EYS: variants seen among roughly 807,000 people sequenced by gnomAD.
The protein encoded by EYS is protein eyes shut homolog.
EYS carries 250 observed loss-of-function variants against 282.1 expected under a neutral mutation model. That is an observed-to-expected ratio of 0.89 (90% CI 0.80 to 0.98). The LOEUF (loss-of-function observed/expected upper bound fraction) is 0.98. Among genes scored for constraint, EYS ranks in the 50% least tolerant of loss-of-function variants. The probability of loss-of-function intolerance (pLI) is 0.00; values close to 1 mark genes in which losing one functional copy is unlikely to be tolerated. For missense variants in EYS, 4,016 were observed against 3,709.0 expected (o/e 1.08, Z -2.15); for synonymous variants, 1,355 against 1,282.9 (o/e 1.06, Z -1.20).
At chr6:65,338,260 T>A (rs895724813) in intron 10 of EYS, among the ~76,000 whole-genome samples, 1 of 151,330 alleles carries the variant, frequency 6.6e-6, no homozygotes, top group East Asian at 1.9e-4. Context: ...TCTACTAGAA[T>A]TTTGGTTTTC....
intron 12 of EYS, among the ~76,000 whole-genome samples, chr6:65,075,589 T>C (rs1774024632): frequency 6.6e-6 from 1 of 152,128 alleles, no homozygotes; most frequent in Admixed American, 6.6e-5. Flanking sequence ...TACAATTCCA[T>C]GTTACAGTGA....
At chr6:64,005,157 C>T (rs1418129812) in intron 33 of EYS, among the ~76,000 whole-genome samples, 1 of 152,156 alleles carries the variant, frequency 6.6e-6, no homozygotes, top group Non-Finnish European at 1.5e-5. Flanking sequence ...AATAGCCATT[C>T]TGACTAGTGT....
chr6:65,614,031 C>T (rs1238700060), intron 2 of EYS, among the ~76,000 whole-genome samples: 1 of 151,896 alleles, frequency 6.6e-6, no homozygotes, highest in African/African-American at 2.4e-5. Context: ...ATGATTAGTA[C>T]AAAATTTAAT....
At chr6:64,915,127 T>A (rs1369478383) in intron 15 of EYS, among the ~76,000 whole-genome samples, 1 of 152,034 alleles carries the variant, frequency 6.6e-6, no homozygotes, top group Admixed American at 6.6e-5. Context: ...AAAATCTTTA[T>A]CTCCTATATC....
At chr6:63,787,865 G>T (rs188306817) in intron 39 of EYS, among the ~76,000 whole-genome samples, 1 of 152,136 alleles carries the variant, frequency 6.6e-6, no homozygotes, top group Non-Finnish European at 1.5e-5. Flanking sequence ...CTTGAACCCA[G>T]GAGGCAGAGG....
intron 24 of EYS, among the ~76,000 whole-genome samples, chr6:64,610,976 T>A (rs1767096335): frequency 6.6e-6 from 1 of 152,000 alleles, no homozygotes; most frequent in African/African-American, 2.4e-5. Context: ...CTCCATCTTT[T>A]TCCCCCCCAT....
intron 30 of EYS, among the ~76,000 whole-genome samples, chr6:64,292,961 G>C (rs1424521984): frequency 6.6e-6 from 1 of 152,060 alleles, no homozygotes; most frequent in Non-Finnish European, 1.5e-5. Flanking sequence ...TCAATGTATG[G>C]TTCCAGTGTC....
Position 64,151,362 on chromosome 6 carries a change from T to TATAA in EYS, c.6425-69361_6425-69360insTTAT, listed in dbSNP as rs1491484712. On this transcript the variant is annotated intron_variant, in intron 31 of 42. Transcript: ENST00000503581. ...ATATATATATATATATATATATATA[T>TATAA]AATTTTTTTTTTCTTTTGAGATGGA... 1.0e-4 allele frequency among the ~76,000 whole-genome samples: 11 copies of TATAA among 108,816 alleles called. No homozygotes were observed. In the East Asian group the frequency reaches 2.5e-3, roughly 25 times the overall value. 71.4% of individuals were successfully genotyped at this position (108,816 alleles called of 152,430 possible). A position where few individuals can be genotyped will look rare whatever the true frequency, so the allele number is the denominator to read the frequency against.
intron 33 of EYS, among the ~76,000 whole-genome samples, chr6:64,065,623 T>G (rs968009692): frequency 6.6e-6 from 1 of 152,206 alleles, no homozygotes. Flanking sequence ...TTTTCTTTTT[T>G]TGTGCAGTCA....
intron 28 of EYS, among the ~76,000 whole-genome samples, chr6:64,430,762 C>A (rs1351657352): frequency 2.0e-5 from 3 of 152,154 alleles, no homozygotes; most frequent in Non-Finnish European, 4.4e-5. Flanking sequence ...CTCTAGCCAA[C>A]AGAATGCAGA....
At chr6:65,685,934 C>A (rs1768997916) in intron 1 of EYS, among the ~76,000 whole-genome samples, 1 of 151,926 alleles carries the variant, frequency 6.6e-6, no homozygotes. Context: ...GTACAGAAGA[C>A]CATATGGTGT....
intron 30 of EYS, among the ~76,000 whole-genome samples, chr6:64,249,971 G>C (rs1056962230): frequency 6.6e-6 from 1 of 152,116 alleles, no homozygotes; most frequent in Non-Finnish European, 1.5e-5. Flanking sequence ...CTGGAAGTGA[G>C]GCAGAAAATA....
chr6:65,130,987 ATGAAAGACAAATT>A lies in EYS; in HGVS notation c.2024-73273_2024-73261del, dbSNP rs1775859146. Among the ~76,000 whole-genome samples, 8 of 151,722 alleles carry A rather than the reference ATGAAAGACAAATT, an allele frequency of 5.3e-5. No homozygotes were observed. In the South Asian group the frequency reaches 1.7e-3, roughly 31 times the overall value. On this transcript the variant is annotated intron_variant, in intron 12 of 42. Coordinates refer to ENST00000503581, the MANE Select transcript of EYS (RefSeq NM_001142800.2). Reference sequence around the variant, plus strand: ...AAATAAACTATTTGGGACATAAATGATGAAAGACAAATTTATTTCTTAAGTTTTTATAAATTAT... The same window carrying A: ...AAATAAACTATTTGGGACATAAATGATATTTCTTAAGTTTTTATAAATTAT...
chr6:65,685,081 G>A (rs1167830497), intron 1 of EYS, among the ~76,000 whole-genome samples: 1 of 151,960 alleles, frequency 6.6e-6, no homozygotes, highest in Non-Finnish European at 1.5e-5. Context: ...ACCTATAATA[G>A]GGTTAGAGTG....
intron 36 of EYS, among the ~76,000 whole-genome samples, chr6:63,839,132 T>G (rs1465991236): frequency 6.6e-6 from 1 of 152,202 alleles, no homozygotes; most frequent in East Asian, 1.9e-4. Context: ...ATAGTCACTC[T>G]GTAGTGTCAT....
rs568408515 is a variant in EYS at position 65,288,751 on chromosome 6, C to T, written c.2023+7112G>A. Among the ~76,000 whole-genome samples, 6 of 151,032 alleles carry T rather than the reference C, an allele frequency of 4.0e-5. No individual in the cohort carries two copies. The South Asian group carries it at 1.2e-3, about 31-fold the overall frequency. On this transcript the variant is annotated intron_variant, in intron 12 of 42. Coordinates refer to ENST00000503581, the MANE Select transcript of EYS (RefSeq NM_001142800.2). ...TATAAAATGATAACAATGTCTCCTG[C>T]TATTTTAAAGATATATGGAATAATA... is the stretch of plus-strand genomic sequence containing the variant.
intron 5 of EYS, among the ~76,000 whole-genome samples, chr6:65,443,134 T>TAC (rs142063050): frequency 0.17 from 24,846 of 145,722 alleles, 3,073 homozygotes; most frequent in Middle Eastern, 0.28. Flanking sequence ...GTACACATCA[T>TAC]ACATATATGT....
chr6:64,537,097 G>C (rs1356767969), intron 26 of EYS, among the ~76,000 whole-genome samples: 1 of 150,078 alleles, frequency 6.7e-6, no homozygotes, highest in Non-Finnish European at 1.5e-5. Flanking sequence ...ATGCTGGTGC[G>C]CTGCACCCAC....
chr6:65,161,555 A>G (rs1225079565), intron 12 of EYS, among the ~76,000 whole-genome samples: 5 of 151,154 alleles, frequency 3.3e-5, no homozygotes, highest in African/African-American at 1.2e-4. Flanking sequence ...ATACAGTAAG[A>G]AAATTTCAAA....
Sources: gnomAD v4.1 joint callset for allele counts (sites outside exome capture counted in the v4.1 genomes callset) on GRCh38, gnomAD v4.1.1 for gene constraint, MANE v1.5 for transcripts, NCBI Gene and HGNC (gene_info 2026-07-23, HGNC 2026-07-21) for gene names.